Variants in SORBS2 observed in about 807,000 individuals in gnomAD.
SORBS2 encodes sorbin and SH3 domain-containing protein 2.
SORBS2 carries 46 observed loss-of-function variants against 97.7 expected under a neutral mutation model. The ratio of observed to expected loss-of-function variants is 0.47; its 90% CI spans 0.37 to 0.60. The LOEUF (loss-of-function observed/expected upper bound fraction) is 0.60. SORBS2 is among the 20% of genes least tolerant of loss of function. The pLI is 0.00. For synonymous variants in SORBS2, 476 were observed against 473.4 expected, an observed-to-expected ratio of 1.01 and a Z score of -0.07; for missense variants, 1,316 against 1,282.3, an observed-to-expected ratio of 1.03 and a Z score of -0.40.
At chr4:185,877,343 A>G (rs796502358) in intron 1 of SORBS2, among the ~76,000 whole-genome samples, 5 of 152,316 alleles carry the variant, frequency 3.3e-5, no homozygotes, top group African/African-American at 1.2e-4. Flanking sequence ...GATTTGTTTA[A>G]TAAGGTTGCT....
chr4:185,777,580 G>C (rs1379549271), intron 1 of SORBS2, among the ~76,000 whole-genome samples: 1 of 152,114 alleles, frequency 6.6e-6, no homozygotes, highest in Non-Finnish European at 1.5e-5. Flanking sequence ...GGGCTCATAG[G>C]AATAATGCAC....
At chr4:185,917,135 T>C (rs1400359157) in intron 1 of SORBS2, among the ~76,000 whole-genome samples, 1 of 152,190 alleles carries the variant, frequency 6.6e-6, no homozygotes, top group Non-Finnish European at 1.5e-5. Flanking sequence ...TACATGGAGT[T>C]TCCTGGAGGG....
chr4:185,768,444 C>A (rs1403482800), intron 2 of SORBS2, among the ~76,000 whole-genome samples: 1 of 152,100 alleles, frequency 6.6e-6, no homozygotes, highest in Non-Finnish European at 1.5e-5. Flanking sequence ...GTAATCCCAG[C>A]ATCTTGGAAG....
intron 2 of SORBS2, among the ~76,000 whole-genome samples, chr4:185,682,315 G>T (rs1466382143): frequency 6.6e-6 from 1 of 152,204 alleles, no homozygotes; most frequent in Non-Finnish European, 1.5e-5. Context: ...GGCTGACAAG[G>T]GGTTTTGGTG....
intron 1 of SORBS2, among the ~76,000 whole-genome samples, chr4:185,891,578 A>G (rs1437793497): frequency 6.6e-6 from 1 of 152,120 alleles, no homozygotes; most frequent in Non-Finnish European, 1.5e-5. Context: ...AGGTTTTTGC[A>G]CTTCTGACCA....
intron 4 of SORBS2, among the ~76,000 whole-genome samples, chr4:185,631,318 T>C (rs2096902717): frequency 6.6e-6 from 1 of 152,242 alleles, no homozygotes; most frequent in African/African-American, 2.4e-5. Context: ...TTCTGAATAA[T>C]ACACTGAAAT....
At chr4:185,906,319 C>T (rs986189652) in intron 1 of SORBS2, among the ~76,000 whole-genome samples, 1 of 152,194 alleles carries the variant, frequency 6.6e-6, no homozygotes, top group Non-Finnish European at 1.5e-5. Context: ...AGGCCTGAGC[C>T]ACCACGCCTG....
chr4:185,905,526 A>T (rs945915000), intron 1 of SORBS2, among the ~76,000 whole-genome samples: 3 of 152,262 alleles, frequency 2.0e-5, no homozygotes, highest in Admixed American at 2.0e-4. Context: ...CATAACAGTC[A>T]TAACGGTATT....
At chr4:185,873,512 T>C (rs1489493787) in intron 1 of SORBS2, among the ~76,000 whole-genome samples, 1 of 152,194 alleles carries the variant, frequency 6.6e-6, no homozygotes, top group Non-Finnish European at 1.5e-5. Flanking sequence ...TTGATAAGCA[T>C]GAACCAGGAA....
At chr4:185,874,543 T>C (rs1029352145) in intron 1 of SORBS2, among the ~76,000 whole-genome samples, 5 of 152,204 alleles carry the variant, frequency 3.3e-5, no homozygotes, top group Admixed American at 2.0e-4. Flanking sequence ...TCTGTTGTAA[T>C]TGACAAAATG....
intron 1 of SORBS2, among the ~76,000 whole-genome samples, chr4:185,842,432 C>G (rs1160977746): frequency 6.6e-6 from 1 of 152,102 alleles, no homozygotes; most frequent in South Asian, 2.1e-4. Context: ...GCCTTCTTAG[C>G]CATGGTAAGG....
exon 15 of SORBS2, chr4:185,587,262 T>C (rs546065733): frequency 4.9e-6 from 1 of 206,020 alleles, no homozygotes; most frequent in African/African-American, 2.4e-5. Context: ...TGGGGGGAGA[T>C]GTTGAAATGG....
chr4:185,588,079 A>C (rs1266312586), intron 14 of SORBS2: 2 of 187,004 alleles, frequency 1.1e-5, no homozygotes, highest in Admixed American at 1.2e-4. Flanking sequence ...AAATCCTAAG[A>C]GCAAAGCTTC....
chr4:185,639,133 G>A (rs2097084195), intron 4 of SORBS2, 98 bp from the exon 14 acceptor site: 4 of 1,160,354 alleles, frequency 3.4e-6, no homozygotes, highest in East Asian at 3.1e-5. Flanking sequence ...GCGTTAGGCC[G>A]GGAGGGGAGA....
intron 2 of SORBS2, among the ~76,000 whole-genome samples, chr4:185,686,691 T>C (rs2097966721): frequency 6.6e-6 from 1 of 152,184 alleles, no homozygotes; most frequent in African/African-American, 2.4e-5. Context: ...ACTCTAAGAG[T>C]GATTTTATTT....
At chr4:185,660,200 T>TTTG (rs958382973), upstream of SORBS2, among the ~76,000 whole-genome samples, 3 of 152,182 alleles carry the variant, frequency 2.0e-5, no homozygotes, top group Non-Finnish European at 4.4e-5. Flanking sequence ...TTCAAGTATT[T>TTTG]TTGTTGTTGT....
At chr4:185,814,790 C>T (rs1026417390) in intron 1 of SORBS2, among the ~76,000 whole-genome samples, 1 of 152,214 alleles carries the variant, frequency 6.6e-6, no homozygotes, top group Non-Finnish European at 1.5e-5. Context: ...CTCTACTGGC[C>T]TTCACACATC....
In SORBS2 at chr4:185,638,072, CACTT is replaced by C. The variant is rs919907775; in HGVS notation, c.397-7478_397-7475del. On this transcript the variant is annotated intron_variant, in intron 4 of 14. Transcript: ENST00000418609. ...TTTTCTTATATTAATAGTCTAGCCTCACTTACCGGGCGTCCAAACTCCAGTTCTG... is the reference window on the plus strand; with the variant it reads ...TTTTCTTATATTAATAGTCTAGCCTCACCGGGCGTCCAAACTCCAGTTCTG... 4 of 1,529,518 alleles carry C rather than the reference CACTT, an allele frequency of 2.6e-6. No homozygotes were observed. In the Admixed American group the frequency reaches 5.0e-5, roughly 19 times the overall value. The allele number at this position is 1,529,518 out of a possible 1,614,324, so 94.7% of individuals were successfully genotyped here. A position where few individuals can be genotyped will look rare whatever the true frequency, so the allele number is the denominator to read the frequency against.
At chr4:185,751,172 T>TAA (rs71593649) in intron 2 of SORBS2, among the ~76,000 whole-genome samples, 2,159 of 31,726 alleles carry the variant, frequency 0.068, 274 homozygotes, top group African/African-American at 0.2. Context: ...CTCTAAATAC[T>TAA]AAAAAAAAAA....
Sources: gnomAD v4.1 joint callset for allele counts (sites outside exome capture counted in the v4.1 genomes callset) on GRCh38, gnomAD v4.1.1 for gene constraint, MANE v1.5 for transcripts, NCBI Gene and HGNC (gene_info 2026-07-23, HGNC 2026-07-21) for gene names.